FAAH2: variants seen among roughly 807,000 people sequenced by gnomAD.
FAAH2 encodes fatty acid amide hydrolase 2.
Under a neutral mutation model 36.9 loss-of-function variants are expected in FAAH2, and 60 were observed. The observed-to-expected ratio is 1.63, with a 90% CI of 1.32 to 2.02. The LOEUF (loss-of-function observed/expected upper bound fraction) is 2.02. Among genes scored for constraint, FAAH2 ranks in the 30% most tolerant of loss-of-function variants. The pLI, the probability that FAAH2 is intolerant of heterozygous loss-of-function variation, is 0.00. For synonymous variants in FAAH2, 214 were observed against 143.8 expected, an observed-to-expected ratio of 1.49 and a Z score of -3.49; for missense variants, 689 against 397.5, an observed-to-expected ratio of 1.73 and a Z score of -6.23.
chrX:57,147,075 T>C, the FAAH2 span, among the ~76,000 whole-genome samples: 1 of 111,653 alleles, frequency 9.0e-6, no homozygotes, highest in African/African-American at 3.3e-5. Context: ...TGATACTCAC[T>C]TCACAGAATG....
intron 7 of FAAH2, among the ~76,000 whole-genome samples, chrX:57,410,474 C>A (rs1244806079): frequency 1.8e-5 from 2 of 111,576 alleles, no homozygotes; most frequent in African/African-American, 6.5e-5. Context: ...AAGTACTGTA[C>A]AATTATTTTG....
At chrX:57,226,848 C>A in the FAAH2 span, among the ~76,000 whole-genome samples, 1 of 111,459 alleles carries the variant, frequency 9.0e-6, no homozygotes, top group Non-Finnish European at 1.9e-5. Context: ...TTTATATTTT[C>A]TTATTCTTTT....
chrX:57,301,903 A>G (rs1026353050), intron 2 of FAAH2, among the ~76,000 whole-genome samples: 6 of 111,711 alleles, frequency 5.4e-5, no homozygotes, highest in South Asian at 7.4e-4. Flanking sequence ...TGTTTAGACA[A>G]TGTTTGTTTT....
rs749666462 is a variant in FAAH2 at position 57,488,905 on chromosome X, G to A, written c.1572G>A (p.Gly524=). Residue 524 remains glycine (G), a synonymous_variant, in exon 11 of 11, where the codon GGG becomes GGA. Coordinates refer to ENST00000374900, the MANE Select transcript of FAAH2 (RefSeq NM_174912.4). ...AVAQYLEKTF[G]GWVCPGKF is the part of the protein sequence containing the mutation. The stretch of plus-strand genomic sequence containing the variant: ...CCCAGTACTTGGAGAAAACTTTTGG[G>A]GGCTGGGTCTGTCCAGGAAAGTTTT... The A allele has an allele frequency of 8.3e-7, 1 of 1,210,418 alleles. No homozygotes were observed. The highest frequency in any genetic ancestry group is 1.8e-5 in the South Asian group (1 of 56,811).
upstream of FAAH2, among the ~76,000 whole-genome samples, chrX:57,281,840 A>G (rs1038725122): frequency 9.0e-6 from 1 of 111,057 alleles, no homozygotes; most frequent in Admixed American, 9.6e-5. Context: ...TGTTCCTGTG[A>G]TAGTTTTCTT....
chrX:57,382,778 A>G (rs753218239), intron 7 of FAAH2, among the ~76,000 whole-genome samples: 2 of 111,476 alleles, frequency 1.8e-5, no homozygotes, highest in African/African-American at 6.5e-5. Flanking sequence ...TCCTTCTGAA[A>G]CTATTCCAAT....
At chrX:57,203,005 C>T in the FAAH2 span, among the ~76,000 whole-genome samples, 1 of 111,962 alleles carries the variant, frequency 8.9e-6, no homozygotes, top group East Asian at 2.8e-4. Flanking sequence ...GTGCTAAATG[C>T]TGCATGGCCT....
At chrX:57,393,318 C>T in intron 7 of FAAH2, 1 of 876,936 alleles carries the variant, frequency 1.1e-6, no homozygotes, top group Non-Finnish European at 1.7e-6. Flanking sequence ...ACCATAGGGC[C>T]ACCCCTGTGC....
chrX:57,311,367 G>T lies in FAAH2; in HGVS notation c.412+638G>T, dbSNP rs939128623. 2.7e-5 allele frequency among the ~76,000 whole-genome samples: 3 copies of T among 112,330 alleles called. No homozygotes were observed. The Admixed American group carries it at 2.8e-4, about 11-fold the overall frequency. ...AAGCCTGGCCTTAAATGGCTCCTGC[G>T]AAAGGGGTCAGTGAGGGAACTGAGG... On this transcript the variant is annotated intron_variant, in intron 3 of 10. Transcript: ENST00000374900.
At chrX:57,360,696 CA>C (rs774436292) in intron 5 of FAAH2, among the ~76,000 whole-genome samples, 1 of 111,011 alleles carries the variant, frequency 9.0e-6, no homozygotes, top group African/African-American at 3.3e-5. Context: ...TTCTAGGATA[CA>C]AGTGCAGAAT....
intron 10 of FAAH2, among the ~76,000 whole-genome samples, chrX:57,473,026 T>A (rs1343450121): frequency 2.7e-5 from 3 of 111,141 alleles, no homozygotes; most frequent in African/African-American, 9.8e-5. Context: ...GTGGTCTCAA[T>A]CCTATTTAGT....
rs766084224 is a variant in FAAH2 at position 57,431,963 on chromosome X, G to A, written c.1042G>A (p.Val348Ile). Reference sequence around the variant, plus strand: ...TATTCTAGGAGCCTCAGTTCAACATGTTAAACTGAAGAAAATGAAGTACTC... The same window carrying A: ...TATTCTAGGAGCCTCAGTTCAACATATTAAACTGAAGAAAATGAAGTACTC... ...ETILGASVQHVKLKKMKYSFQ... is the reference protein window; with the variant it reads ...ETILGASVQHIKLKKMKYSFQ... The change falls in exon 8 of 11, where the codon GTT becomes ATT. Residue 348 changes from valine to isoleucine, a missense_variant. Coordinates refer to ENST00000374900, the MANE Select transcript of FAAH2 (RefSeq NM_174912.4). 4.1e-6 allele frequency: 5 copies of A among 1,205,660 alleles called. No individual in the cohort carries two copies. Among genetic ancestry groups the A allele is most frequent in the Non-Finnish European group, 5.6e-6 (5 of 892,146 alleles).
the FAAH2 span, among the ~76,000 whole-genome samples, chrX:57,214,430 A>AT: frequency 5.5e-5 from 6 of 110,042 alleles, no homozygotes; most frequent in Admixed American, 9.7e-5. Flanking sequence ...TGTTTTATTT[A>AT]TTTTTTTTCT....
intron 7 of FAAH2, among the ~76,000 whole-genome samples, chrX:57,407,350 C>T (rs768431887): frequency 8.9e-6 from 1 of 111,858 alleles, no homozygotes; most frequent in Non-Finnish European, 1.9e-5. Flanking sequence ...GCTCACCAAC[C>T]AGTGTTCTGC....
chrX:57,231,612 A>G, the FAAH2 span, among the ~76,000 whole-genome samples: 2 of 111,730 alleles, frequency 1.8e-5, no homozygotes, highest in African/African-American at 3.2e-5. Flanking sequence ...CAATAATGCC[A>G]TGAGGTAGAT....
chrX:57,152,405 T>C, the FAAH2 span, among the ~76,000 whole-genome samples: 1 of 112,624 alleles, frequency 8.9e-6, no homozygotes, highest in Admixed American at 9.3e-5. Flanking sequence ...CCTTGAGCTG[T>C]GGCAGGCTCC....
At chrX:57,403,224 C>T (rs964158539) in intron 7 of FAAH2, among the ~76,000 whole-genome samples, 15 of 112,226 alleles carry the variant, frequency 1.3e-4, no homozygotes, top group African/African-American at 4.9e-4. Flanking sequence ...CATAGGGACG[C>T]CAGCACCCCT....
chrX:57,443,545 G>C (rs1037446241), intron 8 of FAAH2, among the ~76,000 whole-genome samples: 4 of 111,519 alleles, frequency 3.6e-5, no homozygotes, highest in African/African-American at 1.3e-4. Context: ...TCTTTGTGAC[G>C]CGTTCGAAGA....
chrX:57,215,906 C>CATATATATATATATATAT, the FAAH2 span, among the ~76,000 whole-genome samples: 1 of 89,533 alleles, frequency 1.1e-5, no homozygotes, highest in African/African-American at 4.0e-5. Flanking sequence ...CCATGGCACT[C>CATATATATATATATATAT]ATATATATAT....
Sources: gnomAD v4.1 joint callset for allele counts (sites outside exome capture counted in the v4.1 genomes callset) on GRCh38, gnomAD v4.1.1 for gene constraint, MANE v1.5 for transcripts, NCBI Gene and HGNC (gene_info 2026-07-23, HGNC 2026-07-21) for gene names.